Variants in ZHX3 observed in about 807,000 individuals in gnomAD.
The protein encoded by ZHX3 is zinc fingers and homeoboxes 3, also known as zinc fingers and homeoboxes protein 3.
In ZHX3, 20 loss-of-function variants were observed where a neutral mutation model predicts 64.5. That is an observed-to-expected ratio of 0.31 (90% CI 0.22 to 0.45). The LOEUF (loss-of-function observed/expected upper bound fraction) is 0.45, where lower values mean the gene tolerates loss of function less well. Ranked by LOEUF, ZHX3 falls within the 20% of genes least tolerant of loss-of-function variation. The probability of loss-of-function intolerance (pLI) is 1.00; values close to 1 mark genes in which losing one functional copy is unlikely to be tolerated. For synonymous variants in ZHX3, 423 were observed against 461.6 expected (o/e 0.92, Z 1.07); for missense variants, 1,041 against 1,195.8 (o/e 0.87, Z 1.91).
chr20:41,299,541 A>G (rs1200249733), intron 1 of ZHX3, among the ~76,000 whole-genome samples: 1 of 152,200 alleles, frequency 6.6e-6, no homozygotes, highest in Non-Finnish European at 1.5e-5. Flanking sequence ...AAAAGAAAAA[A>G]TTCAAGAGTA....
At chr20:41,282,410 G>A (rs1035362780) in intron 1 of ZHX3, among the ~76,000 whole-genome samples, 4 of 134,346 alleles carry the variant, frequency 3.0e-5, no homozygotes, top group Non-Finnish European at 6.2e-5. Context: ...CCAGGCTGGA[G>A]AACAGCGGCG....
rs2039610693 is a variant in ZHX3, at chr20:41,217,488, A to T, written c.-150-12422T>A. Among the ~76,000 whole-genome samples the T allele has an allele frequency of 2.0e-5, 3 of 152,186 alleles. No homozygotes were observed. In the South Asian group the frequency reaches 6.2e-4, roughly 32 times the overall value. On this transcript the variant is annotated intron_variant, in intron 2 of 3. Coordinates refer to ENST00000683867, the MANE Select transcript of ZHX3 (RefSeq NM_001384317.1). ...AAATGAAGCTTAAATTTATATTTTT[A>T]AAAAACATTCTGTTTTAAATGTTTC...
intron 1 of ZHX3, among the ~76,000 whole-genome samples, chr20:41,280,252 T>A (rs1377377746): frequency 6.6e-6 from 1 of 152,032 alleles, no homozygotes; most frequent in Non-Finnish European, 1.5e-5. Context: ...ACACAAAGAG[T>A]TCTCAATCCT....
intron 2 of ZHX3, among the ~76,000 whole-genome samples, chr20:41,242,219 A>C (rs983293977): frequency 3.9e-5 from 6 of 152,212 alleles, no homozygotes; most frequent in Non-Finnish European, 7.3e-5. Flanking sequence ...TGATCCTCAC[A>C]ATAACCCTAT....
rs1020946176 is a variant in ZHX3 at position 41,182,798 on chromosome 20, C to T, written c.*2393G>A. The T allele has an allele frequency of 1.3e-5, 2 of 152,270 alleles. No homozygotes were observed. The highest frequency in any genetic ancestry group is 2.9e-5 in the Non-Finnish European group (2 of 68,058). The allele number at this position is 152,270 out of a possible 1,614,324, so 9.4% of individuals were successfully genotyped here. On this transcript the variant is annotated 3_prime_UTR_variant, in exon 4 of 4. Transcript: ENST00000683867. The surrounding 1 kb of genome is among the most constrained non-coding windows in gnomAD (Gnocchi z 6.1). Reference sequence around the variant, plus strand: ...CAGGGCAGGCAGCACTGTACTTTTCCACCTGAAAGATGAGCTAGTGCCCAT... The same window carrying T: ...CAGGGCAGGCAGCACTGTACTTTTCTACCTGAAAGATGAGCTAGTGCCCAT...
At chr20:41,225,236 T>C (rs1471923153) in intron 2 of ZHX3, among the ~76,000 whole-genome samples, 1 of 152,194 alleles carries the variant, frequency 6.6e-6, no homozygotes, top group Non-Finnish European at 1.5e-5. Flanking sequence ...TGACATTCGG[T>C]GAATTGATAG....
At position 41,204,557 on chromosome 20, in the gene ZHX3, G is replaced by C; in HGVS notation, c.360C>G (p.Thr120=). 6.2e-7 allele frequency: 1 copy of C among 1,614,166 alleles called. No individual in the cohort carries two copies. The highest frequency in any genetic ancestry group is 8.5e-7 in the Non-Finnish European group (1 of 1,180,044). ...VCSGCSFLAK[T]PEGLSLHNAT... The stretch of plus-strand genomic sequence containing the variant: ...CATTGTGCAAGGAAAGCCCCTCAGG[G>C]GTTTTTGCCAGAAAACTGCACCCAC... The change falls in exon 3 of 4, where the codon ACC becomes ACG. Residue 120 remains threonine (T), a synonymous_variant. Coordinates refer to ENST00000683867, the MANE Select transcript of ZHX3 (RefSeq NM_001384317.1). The surrounding 1 kb of genome is among the most constrained non-coding windows in gnomAD (Gnocchi z 6.6).
intron 1 of ZHX3, among the ~76,000 whole-genome samples, chr20:41,305,918 T>G (rs2044965719): frequency 1.3e-5 from 2 of 152,150 alleles, no homozygotes; most frequent in Non-Finnish European, 2.9e-5. Flanking sequence ...ATACTTTTTA[T>G]TATAACTATT....
At chr20:41,229,006 T>C (rs1428725392) in intron 2 of ZHX3, among the ~76,000 whole-genome samples, 1 of 152,164 alleles carries the variant, frequency 6.6e-6, no homozygotes, top group East Asian at 1.9e-4. Flanking sequence ...ATCATCACCA[T>C]CTGCCTCCAG....
In ZHX3 at chr20:41,202,677, C is replaced by T. The variant is rs1256080536; in HGVS notation, c.2240G>A (p.Gly747Asp). 2.5e-6 allele frequency: 4 copies of T among 1,614,016 alleles called. No homozygotes were observed. Among genetic ancestry groups the T allele is most frequent in the South Asian group, 2.2e-5 (2 of 91,082 alleles). The change falls in exon 3 of 4, where the codon GGT becomes GAT. Residue 747 changes from glycine (G) to aspartate (D), a missense_variant. Gly to Asp is a moderately conservative substitution (Grantham distance 94, BLOSUM62 -1). Transcript: ENST00000683867. This position sits in a 1 kb window ranked among gnomAD's most constrained non-coding sequence, Gnocchi z 7.0. ...ANGRNEIPGL[G>D]ACDPEDDESN... ...CTCATCATCCTCAGGGTCACAGGCA[C>T]CCAGCCCTGGAATCTCGTTCCTGCC... is the stretch of plus-strand genomic sequence containing the variant.
intron 2 of ZHX3, among the ~76,000 whole-genome samples, chr20:41,220,805 C>T (rs113031337): frequency 1.3e-3 from 203 of 152,008 alleles, no homozygotes; most frequent in Non-Finnish European, 2.2e-3. Flanking sequence ...GTGATCCTCC[C>T]GCTTCAGCCT....
chr20:41,268,518 C>G (rs1423969851), intron 2 of ZHX3, among the ~76,000 whole-genome samples: 1 of 152,126 alleles, frequency 6.6e-6, no homozygotes, highest in Non-Finnish European at 1.5e-5. Flanking sequence ...AAAAGGTTTC[C>G]TATTCCACAG....
At chr20:41,221,277 T>C (rs918364085) in intron 2 of ZHX3, among the ~76,000 whole-genome samples, 1 of 152,220 alleles carries the variant, frequency 6.6e-6, no homozygotes, top group Non-Finnish European at 1.5e-5. Context: ...CAAAAGTTTT[T>C]ACCCAAACGA....
At chr20:41,298,658 G>A (rs2044656979) in intron 1 of ZHX3, among the ~76,000 whole-genome samples, 1 of 152,212 alleles carries the variant, frequency 6.6e-6, no homozygotes, top group South Asian at 2.1e-4. Context: ...ATGAGAGTGG[G>A]TGTCAGCCAG....
At position 41,224,948 on chromosome 20, in the gene ZHX3, G is replaced by T. The variant is rs1306837894; in HGVS notation, c.-150-19882C>A. 1.3e-5 allele frequency among the ~76,000 whole-genome samples: 2 copies of T among 152,152 alleles called. No homozygotes were observed. Among genetic ancestry groups the T allele is most frequent in the East Asian group, 3.8e-4 (2 of 5,204 alleles). On this transcript the variant is annotated intron_variant, in intron 2 of 3. Coordinates refer to ENST00000683867, the MANE Select transcript of ZHX3 (RefSeq NM_001384317.1). This position sits in a 1 kb window ranked among gnomAD's most constrained non-coding sequence, Gnocchi z 5.2. ...TCATCTGATTCTTTTCCTGCTTATT[G>T]TCTTTCACTTTGGCTAGGCTGTAAG...
At chr20:41,254,990 G>C (rs1233886853) in intron 2 of ZHX3, among the ~76,000 whole-genome samples, 1 of 152,066 alleles carries the variant, frequency 6.6e-6, no homozygotes, top group Non-Finnish European at 1.5e-5. Context: ...GACTTCAAGG[G>C]GAGAGTGGCA....
At chr20:41,310,085 G>A (rs918337729) in intron 1 of ZHX3, among the ~76,000 whole-genome samples, 7 of 152,142 alleles carry the variant, frequency 4.6e-5, no homozygotes, top group East Asian at 1.9e-4. Context: ...TAGCTATCAC[G>A]TTAGTCACCC....
At chr20:41,231,843 A>C (rs1029132530) in intron 2 of ZHX3, among the ~76,000 whole-genome samples, 1 of 152,252 alleles carries the variant, frequency 6.6e-6, no homozygotes, top group Non-Finnish European at 1.5e-5. Context: ...ATTATTCACA[A>C]GCTAAAATTT....
At chr20:41,266,545 T>C (rs2042858207) in intron 2 of ZHX3, among the ~76,000 whole-genome samples, 1 of 124,572 alleles carries the variant, frequency 8.0e-6, no homozygotes, top group African/African-American at 3.8e-5. Flanking sequence ...CTCCCAATCT[T>C]TCTTTTTTTT....
Sources: allele counts gnomAD v4.1 joint callset (sites outside exome capture counted in the v4.1 genomes callset), GRCh38; gene constraint gnomAD v4.1.1; non-coding constraint Gnocchi (gnomAD v3.1); transcripts MANE v1.5; gene names NCBI Gene and HGNC (gene_info 2026-07-23, HGNC 2026-07-21).